Variants in MARK3 observed in about 807,000 individuals in gnomAD.
The protein encoded by MARK3 is microtubule affinity regulating kinase 3.
Under a neutral mutation model 90.1 loss-of-function variants are expected in MARK3, and 46 were observed. That is an observed-to-expected ratio of 0.51 (90% CI 0.40 to 0.65). The LOEUF is 0.65. Ranked by LOEUF, MARK3 falls within the 30% of genes least tolerant of loss-of-function variation. The pLI is 0.00. For missense variants in MARK3, 818 were observed against 947.2 expected, an observed-to-expected ratio of 0.86 and a Z score of 1.79; for synonymous variants, 321 against 332.6, an observed-to-expected ratio of 0.97 and a Z score of 0.38.
chr14:103,424,025 G>T (rs2092317301), intron 2 of MARK3, among the ~76,000 whole-genome samples: 1 of 151,810 alleles, frequency 6.6e-6, no homozygotes, highest in Non-Finnish European at 1.5e-5. Flanking sequence ...GGCCAACATG[G>T]CAAAACCCTG....
intron 12 of MARK3, among the ~76,000 whole-genome samples, chr14:103,473,533 G>T (rs373797459): frequency 1.3e-5 from 2 of 152,092 alleles, no homozygotes; most frequent in African/African-American, 4.8e-5. Context: ...AAGCATTGAG[G>T]CTAATATCAC....
rs1405253615 is a variant in MARK3 at position 103,385,902 on chromosome 14, A to T, written c.-128A>T. 1.4e-6 allele frequency: 1 copy of T among 704,110 alleles called. No individual in the cohort carries two copies. The highest frequency in any genetic ancestry group is 2.6e-6 in the Non-Finnish European group (1 of 391,662). The allele number at this position is 704,110 out of a possible 1,614,324, so 43.6% of individuals were successfully genotyped here. A position where few individuals can be genotyped will look rare whatever the true frequency, so the allele number is the denominator to read the frequency against. ...CCGGGATCTAGACGGCCGTAGGGGG[A>T]AGGGAGCCGCCCTCCCCACGGCGCC... On this transcript the variant is annotated 5_prime_UTR_variant, in exon 1 of 18. Coordinates refer to ENST00000429436, the MANE Select transcript of MARK3 (RefSeq NM_001128918.3).
chr14:103,389,943 CAAAAAA>C (rs71126011), intron 1 of MARK3, among the ~76,000 whole-genome samples: 5 of 29,608 alleles, frequency 1.7e-4, no homozygotes, highest in Non-Finnish European at 3.4e-4. Flanking sequence ...TACTCCGTCT[CAAAAAA>C]AAAAAAAAAA....
chr14:103,441,118 A>G (rs1245157226), intron 3 of MARK3, among the ~76,000 whole-genome samples: 14 of 152,052 alleles, frequency 9.2e-5, no homozygotes, highest in South Asian at 2.1e-4. Context: ...ATATCATTAT[A>G]TATCATGGAT....
At chr14:103,408,194 G>A (rs888039915) in intron 2 of MARK3, among the ~76,000 whole-genome samples, 10 of 151,936 alleles carry the variant, frequency 6.6e-5, no homozygotes, top group Middle Eastern at 3.2e-3. Context: ...TTGGCGGGGG[G>A]GAGGTGGTGT....
At chr14:103,432,533 T>C (rs1346652686) in intron 3 of MARK3, among the ~76,000 whole-genome samples, 1 of 146,434 alleles carries the variant, frequency 6.8e-6, no homozygotes, top group Non-Finnish European at 1.5e-5. Context: ...AGAAGTTGGC[T>C]TTAGAGACAG....
Position 103,475,027 on chromosome 14 carries a change from G to C in MARK3, c.1299G>C (p.Pro433=). The C allele has an allele frequency of 1.9e-6, 3 of 1,614,052 alleles. No individual in the cohort carries two copies. The South Asian group carries it at 3.3e-5, about 18-fold the overall frequency. ...GPAIPSVVAY[P]KRSQTSTADS... Reference sequence around the variant, plus strand: ...CTATTCCTTCTGTTGTGGCGTATCCGAAAAGGAGTCAGACCAGCACTGCAG... The same window carrying C: ...CTATTCCTTCTGTTGTGGCGTATCCCAAAAGGAGTCAGACCAGCACTGCAG... Residue 433 remains proline (P), a synonymous_variant, in exon 13 of 18, where the codon CCG becomes CCC. Coordinates refer to ENST00000429436, the MANE Select transcript of MARK3 (RefSeq NM_001128918.3).
intron 3 of MARK3, among the ~76,000 whole-genome samples, chr14:103,428,935 G>A (rs2092495735): frequency 6.6e-6 from 1 of 152,168 alleles, no homozygotes; most frequent in Admixed American, 6.5e-5. Flanking sequence ...AAGTGGAAAA[G>A]CATGTTCATA....
chr14:103,500,056 AT>A, intron 16 of MARK3, 99 bp from the exon 17 acceptor site: 1 of 923,810 alleles, frequency 1.1e-6, no homozygotes, highest in East Asian at 2.6e-5. Flanking sequence ...GGCTTTGTTC[AT>A]TTTATGGTGT....
In MARK3 at chr14:103,474,045, AT is replaced by A. The variant is rs371842934; in HGVS notation, c.1265-947del. On this transcript the variant is annotated intron_variant, in intron 12 of 17. Coordinates refer to ENST00000429436, the MANE Select transcript of MARK3 (RefSeq NM_001128918.3). ...CCCCGTCTCTACTAAAAAAAAAAAAATATATACAAAAAAAAAAAATTAGTTG... is the reference window on the plus strand; with the variant it reads ...CCCCGTCTCTACTAAAAAAAAAAAAAATATACAAAAAAAAAAAATTAGTTG... Among the ~76,000 whole-genome samples the A allele has an allele frequency of 6.1e-3, 453 of 73,808 alleles. 74 individuals are homozygous for A. The highest frequency in any genetic ancestry group is 8.4e-3 in the Admixed American group (62 of 7,376). The allele number at this position is 73,808 out of a possible 152,430, so 48.4% of individuals were successfully genotyped here. A position where few individuals can be genotyped will look rare whatever the true frequency, so the allele number is the denominator to read the frequency against.
At chr14:103,431,993 ATTTG>A (rs2092598377) in intron 3 of MARK3, among the ~76,000 whole-genome samples, 1 of 149,428 alleles carries the variant, frequency 6.7e-6, no homozygotes, top group South Asian at 2.2e-4. Context: ...TCCCACCTGA[ATTTG>A]TTTGATTCCT....
chr14:103,482,799 A>G (rs2141892413), intron 14 of MARK3, among the ~76,000 whole-genome samples: 1 of 152,214 alleles, frequency 6.6e-6, no homozygotes, highest in African/African-American at 2.4e-5. Flanking sequence ...TTCTTTGGCA[A>G]TATTTCCTTT....
chr14:103,495,020 A>G lies in MARK3; in HGVS notation c.1844+2986A>G, dbSNP rs139150694. On this transcript the variant is annotated intron_variant, in intron 15 of 17. Transcript: ENST00000429436. ...TATATATGCATATTTTATGTATAAA[A>G]TGAGTATCATATATATACACTTATA... Among the ~76,000 whole-genome samples, 140 of 152,354 alleles carry G rather than the reference A, an allele frequency of 9.2e-4. 2 individuals are homozygous for G. The highest frequency in any genetic ancestry group is 3.3e-3 in the African/African-American group (139 of 41,580).
At chr14:103,489,200 A>G (rs1337587878) in intron 14 of MARK3, among the ~76,000 whole-genome samples, 1 of 152,260 alleles carries the variant, frequency 6.6e-6, no homozygotes, top group Admixed American at 6.5e-5. Context: ...GTGAATAGAA[A>G]GATCCCAGCC....
intron 14 of MARK3, among the ~76,000 whole-genome samples, chr14:103,485,734 G>C (rs1221494898): frequency 1.3e-5 from 2 of 152,094 alleles, no homozygotes; most frequent in Non-Finnish European, 2.9e-5. Context: ...TAATGTTTTA[G>C]AAAAGATAGT....
intron 5 of MARK3, among the ~76,000 whole-genome samples, chr14:103,452,320 T>C (rs1453749697): frequency 2.0e-5 from 3 of 152,064 alleles, no homozygotes; most frequent in Non-Finnish European, 4.4e-5. Context: ...ATGTCCAGAA[T>C]GTTTTCATTT....
chr14:103,385,693 A>C lies in MARK3; in HGVS notation c.-337A>C. 4.3e-6 allele frequency: 1 copy of C among 234,246 alleles called. No homozygotes were observed. Among genetic ancestry groups the C allele is most frequent in the Non-Finnish European group, 8.2e-6 (1 of 122,016 alleles). The allele number at this position is 234,246 out of a possible 1,614,324, so 14.5% of individuals were successfully genotyped here. ...GCGGTGCGACGGGAGGGAGTGGAGA[A>C]GGAGGTGAGGGGGCCCAGGATCGCG... On this transcript the variant is annotated 5_prime_UTR_variant, in exon 1 of 18. Transcript: ENST00000429436.
chr14:103,385,755 G>GCGGGGGACGCCGGCGGGCCGAAC lies in MARK3; in HGVS notation c.-273_-272insGGGGACGCCGGCGGGCCGAACCG, dbSNP rs2089736182. ...GGCAAGGGGACGCCGGCGGGCCGAAGCGCAGCCCGCCGCCCGCAGGCTCGG... is the reference window on the plus strand; with the variant it reads ...GGCAAGGGGACGCCGGCGGGCCGAAGCGGGGGACGCCGGCGGGCCGAACCGCAGCCCGCCGCCCGCAGGCTCGG... On this transcript the variant is annotated 5_prime_UTR_variant, in exon 1 of 18. Coordinates refer to ENST00000429436, the MANE Select transcript of MARK3 (RefSeq NM_001128918.3). 2.7e-6 allele frequency: 1 copy of GCGGGGGACGCCGGCGGGCCGAAC among 369,184 alleles called. No homozygotes were observed. The highest frequency in any genetic ancestry group is 2.1e-5 in the African/African-American group (1 of 46,902). The allele number at this position is 369,184 out of a possible 1,614,324, so 22.9% of individuals were successfully genotyped here.
intron 1 of MARK3, among the ~76,000 whole-genome samples, chr14:103,394,300 C>T (rs1367131043): frequency 6.6e-6 from 1 of 152,176 alleles, no homozygotes; most frequent in African/African-American, 2.4e-5. Context: ...AATGTCCTGT[C>T]TCACACAAGA....
Sources: gnomAD v4.1 joint callset for allele counts (sites outside exome capture counted in the v4.1 genomes callset) on GRCh38, gnomAD v4.1.1 for gene constraint, MANE v1.5 for transcripts, NCBI Gene and HGNC (gene_info 2026-07-23, HGNC 2026-07-21) for gene names.